Variants in FHOD3 observed in about 807,000 individuals in gnomAD.
FHOD3 encodes the protein FH1/FH2 domain-containing protein 3.
Under a neutral mutation model 173.0 loss-of-function variants are expected in FHOD3, and 90 were observed. That is an observed-to-expected ratio of 0.52 (90% confidence interval 0.44 to 0.62). The LOEUF (loss-of-function observed/expected upper bound fraction) is 0.62. Ranked by LOEUF, FHOD3 falls within the 20% of genes least tolerant of loss-of-function variation. The pLI, the probability that FHOD3 is intolerant of heterozygous loss-of-function variation, is 0.00. For synonymous variants in FHOD3, 828 were observed against 823.0 expected, an observed-to-expected ratio of 1.01 and a Z score of -0.10; for missense variants, 1,945 against 2,034.7, an observed-to-expected ratio of 0.96 and a Z score of 0.85.
At chr18:36,545,091 A>G (rs546675625) in intron 5 of FHOD3, among the ~76,000 whole-genome samples, 53 of 152,184 alleles carry the variant, frequency 3.5e-4, no homozygotes, top group Non-Finnish European at 5.7e-4. Flanking sequence ...AAATTTATCC[A>G]TGCTCACCCT....
intron 1 of FHOD3, among the ~76,000 whole-genome samples, chr18:36,345,321 A>G (rs925605272): frequency 1.3e-5 from 2 of 152,226 alleles, no homozygotes; most frequent in African/African-American, 4.8e-5. Context: ...TTTTGGATCA[A>G]AGAAGAAATC....
At chr18:36,666,988 G>A (rs1386240239) in intron 14 of FHOD3, among the ~76,000 whole-genome samples, 1 of 152,132 alleles carries the variant, frequency 6.6e-6, no homozygotes, top group East Asian at 1.9e-4. Context: ...TGTGTTTTTA[G>A]CATTTTATAT....
chr18:36,468,693 A>C (rs1199156166), intron 3 of FHOD3, among the ~76,000 whole-genome samples: 1 of 152,152 alleles, frequency 6.6e-6, no homozygotes, highest in Non-Finnish European at 1.5e-5. Flanking sequence ...TGAAGGGGCC[A>C]CTTGGAGGTT....
intron 9 of FHOD3, among the ~76,000 whole-genome samples, chr18:36,623,247 T>C (rs547396257): frequency 3.3e-4 from 50 of 152,352 alleles, no homozygotes; most frequent in African/African-American, 1.2e-3. Flanking sequence ...AGAACGTCAC[T>C]TGATCCTTGG....
chr18:36,542,154 C>T (rs975429152), intron 5 of FHOD3, among the ~76,000 whole-genome samples: 1 of 152,176 alleles, frequency 6.6e-6, no homozygotes, highest in Non-Finnish European at 1.5e-5. Context: ...TTCCTTACAG[C>T]TCTTTGGAGA....
intron 1 of FHOD3, among the ~76,000 whole-genome samples, chr18:36,335,509 AC>A (rs897107451): frequency 2.0e-5 from 3 of 151,292 alleles, no homozygotes; most frequent in Non-Finnish European, 2.9e-5. Flanking sequence ...AAAAAAAAAA[AC>A]TTAAAAAAAA....
intron 1 of FHOD3, among the ~76,000 whole-genome samples, chr18:36,342,630 TG>T (rs1161357769): frequency 6.6e-6 from 1 of 152,172 alleles, no homozygotes; most frequent in African/African-American, 2.4e-5. Flanking sequence ...AAAATGAAGG[TG>T]ATATGACACT....
chr18:36,359,671 G>A (rs1391355104), intron 2 of FHOD3, among the ~76,000 whole-genome samples: 1 of 152,166 alleles, frequency 6.6e-6, no homozygotes, highest in African/African-American at 2.4e-5. Context: ...TGGCACCTGA[G>A]GAGAGCAGTG....
rs2091830846 is a variant in FHOD3 at position 36,297,752 on chromosome 18, C to T, written c.-84C>T. 5 of 1,146,720 alleles carry T rather than the reference C, an allele frequency of 4.4e-6. No individual in the cohort carries two copies. Among genetic ancestry groups the T allele is most frequent in the Non-Finnish European group, 5.6e-6 (5 of 891,948 alleles). The allele number at this position is 1,146,720 out of a possible 1,614,324, so 71.0% of individuals were successfully genotyped here. A position where few individuals can be genotyped will look rare whatever the true frequency, so the allele number is the denominator to read the frequency against. ...GCGAGCCAGCGAGCTGCGGCTGCGG[C>T]CTCCCCTGCGCGCAGCTACCCGGGC... On this transcript the variant is annotated 5_prime_UTR_variant, in exon 1 of 29. Transcript: ENST00000590592.
At chr18:36,546,827 A>G (rs2057428177) in intron 5 of FHOD3, among the ~76,000 whole-genome samples, 1 of 152,234 alleles carries the variant, frequency 6.6e-6, no homozygotes, top group Non-Finnish European at 1.5e-5. Flanking sequence ...ATGGTAACAC[A>G]GAGCACTCAC....
At chr18:36,644,091 A>C (rs2035518222) in intron 10 of FHOD3, among the ~76,000 whole-genome samples, 1 of 152,140 alleles carries the variant, frequency 6.6e-6, no homozygotes, top group Non-Finnish European at 1.5e-5. Context: ...TTGCTTTTCC[A>C]ACTTGAAAAC....
At chr18:36,374,186 A>G (rs2047324043) in intron 3 of FHOD3, among the ~76,000 whole-genome samples, 1 of 152,172 alleles carries the variant, frequency 6.6e-6, no homozygotes, top group African/African-American at 2.4e-5. Context: ...CAGGTACAGG[A>G]TTTTTTAAAA....
chr18:36,351,339 A>G (rs1019270365), intron 1 of FHOD3, among the ~76,000 whole-genome samples: 1 of 152,124 alleles, frequency 6.6e-6, no homozygotes, highest in Non-Finnish European at 1.5e-5. Context: ...GTAGGAGGTA[A>G]TGGCAGCCTC....
At chr18:36,675,345 T>C (rs1448973062) in intron 14 of FHOD3, among the ~76,000 whole-genome samples, 1 of 152,050 alleles carries the variant, frequency 6.6e-6, no homozygotes, top group Non-Finnish European at 1.5e-5. Flanking sequence ...ACAGTTGGCA[T>C]CTTTTTTTTT....
chr18:36,317,171 C>T, intron 1 of FHOD3, among the ~76,000 whole-genome samples: 1 of 152,100 alleles, frequency 6.6e-6, no homozygotes, highest in Non-Finnish European at 1.5e-5. Context: ...GTGAATAGTG[C>T]CACAATAAAC....
intron 3 of FHOD3, among the ~76,000 whole-genome samples, chr18:36,461,034 C>T (rs2052518906): frequency 6.6e-6 from 1 of 152,046 alleles, no homozygotes; most frequent in African/African-American, 2.4e-5. Flanking sequence ...GAGTGGAGCA[C>T]AGGATGAGGG....
chr18:36,512,108 C>G (rs769068125), intron 4 of FHOD3, among the ~76,000 whole-genome samples: 2 of 152,216 alleles, frequency 1.3e-5, no homozygotes, highest in African/African-American at 4.8e-5. Context: ...CGTGGCCAGT[C>G]CCTTGGGACC....
chr18:36,753,392 G>T (rs879197150), intron 24 of FHOD3, among the ~76,000 whole-genome samples: 6 of 152,310 alleles, frequency 3.9e-5, no homozygotes, highest in Admixed American at 3.9e-4. Flanking sequence ...GTCGTCCAGG[G>T]CCTTATTTGG....
intron 2 of FHOD3, among the ~76,000 whole-genome samples, chr18:36,362,609 T>G (rs1284947565): frequency 2.0e-5 from 3 of 151,908 alleles, no homozygotes; most frequent in East Asian, 1.9e-4. Context: ...AGTCTGGAGG[T>G]CGTGTCCTGG....
Sources: gnomAD v4.1 joint callset for allele counts (sites outside exome capture counted in the v4.1 genomes callset) on GRCh38, gnomAD v4.1.1 for gene constraint, MANE v1.5 for transcripts, NCBI Gene and HGNC (gene_info 2026-07-23, HGNC 2026-07-21) for gene names.